The following DHX32 variants were observed in gnomAD, a reference collection of about 807,000 sequenced individuals.
DHX32 encodes the protein putative pre-mRNA-splicing factor ATP-dependent RNA helicase DHX32.
DHX32 carries 51 observed loss-of-function variants against 70.0 expected under a neutral mutation model. The observed-to-expected ratio is 0.73, with a 90% CI of 0.58 to 0.92. The LOEUF (loss-of-function observed/expected upper bound fraction) is 0.92, where lower values mean the gene tolerates loss of function less well. Ranked by LOEUF, DHX32 falls within the 40% of genes least tolerant of loss-of-function variation. DHX32 has a pLI of 0.00. For missense variants in DHX32, 762 were observed against 891.8 expected, an observed-to-expected ratio of 0.85 and a Z score of 1.85; for synonymous variants, 310 against 315.3, an observed-to-expected ratio of 0.98 and a Z score of 0.18.
intron 2 of DHX32, among the ~76,000 whole-genome samples, chr10:125,860,896 G>C (rs1944183590): frequency 6.6e-6 from 1 of 151,294 alleles, no homozygotes; most frequent in South Asian, 2.1e-4. Flanking sequence ...GGGACTACAG[G>C]CGCCCGCCAC....
chr10:125,851,586 C>A (rs1944089730), intron 6 of DHX32, among the ~76,000 whole-genome samples: 1 of 152,072 alleles, frequency 6.6e-6, no homozygotes, highest in African/African-American at 2.4e-5. Context: ...AAAAATGAAA[C>A]CTATCTTGTT....
chr10:125,881,831 C>T (rs558301945), upstream of DHX32, among the ~76,000 whole-genome samples: 8 of 152,176 alleles, frequency 5.3e-5, no homozygotes, highest in African/African-American at 9.6e-5. Context: ...TTTGTAGAGA[C>T]GGAGTTTTGC....
chr10:125,853,425 A>T, intron 4 of DHX32: 2 of 337,534 alleles, frequency 5.9e-6, no homozygotes, highest in Non-Finnish European at 1.1e-5. Flanking sequence ...CTAATTTTTA[A>T]TTTAAAAGTA....
At position 125,838,358 on chromosome 10, in the gene DHX32, G is replaced by C; in HGVS notation, c.1911C>G (p.Asn637Lys). The change falls in exon 10 of 11, where the codon AAC (asparagine) becomes AAG (lysine). Residue 637 changes from asparagine (N) to lysine (K), a missense_variant. By Grantham distance (94) the Asn-to-Lys change is moderately conservative. Coordinates refer to ENST00000284690, the MANE Select transcript of DHX32 (RefSeq NM_018180.3). The stretch of plus-strand genomic sequence containing the variant: ...CCTGCTTATGTGTCAGCATTAAGTA[G>C]TTACCTGATCCATCAACATCCCGAG... ...QIARDVDGSG[N>K]YLMLTHKQVA... The C allele has an allele frequency of 6.2e-7, 1 of 1,601,610 alleles. No homozygotes were observed.
chr10:125,846,671 T>C (rs1242606864), intron 6 of DHX32, among the ~76,000 whole-genome samples: 4 of 152,218 alleles, frequency 2.6e-5, no homozygotes, highest in Non-Finnish European at 5.9e-5. Flanking sequence ...TTATAGGAAC[T>C]GTACCTTCAC....
chr10:125,838,864 A>G, intron 9 of DHX32, 137 bp downstream of exon 9: 4 of 1,051,706 alleles, frequency 3.8e-6, no homozygotes, highest in Non-Finnish European at 5.5e-6. Context: ...ATACTTAAGT[A>G]CCAAATCTTT....
intron 3 of DHX32, among the ~76,000 whole-genome samples, chr10:125,856,117 T>G (rs1416058882): frequency 6.6e-6 from 1 of 152,246 alleles, no homozygotes; most frequent in Non-Finnish European, 1.5e-5. Context: ...ATCTGGTACT[T>G]CAGACATTTT....
Position 125,878,741 on chromosome 10 carries a change from C to A in DHX32, c.282+1802G>T, listed in dbSNP as rs111921672. ...TTTTTTTTTTTGAGATGGAGTCTTA[C>A]TCTGTCACCCAGGCTGGAGTGCAGT... On this transcript the variant is annotated intron_variant, in intron 1 of 10. Coordinates refer to ENST00000284690, the MANE Select transcript of DHX32 (RefSeq NM_018180.3). Among the ~76,000 whole-genome samples, 725 of 149,094 alleles carry A rather than the reference C, an allele frequency of 4.9e-3. 8 individuals are homozygous for A. Among genetic ancestry groups the A allele is most frequent in the African/African-American group, 0.016 (661 of 40,536 alleles).
intron 1 of DHX32, among the ~76,000 whole-genome samples, chr10:125,893,582 T>C (rs80204283): frequency 3.9e-5 from 6 of 152,154 alleles, no homozygotes; most frequent in African/African-American, 1.4e-4. Context: ...GGCGGAGAGA[T>C]AGACATTCCA....
chr10:125,894,128 T>G (rs1944387527), intron 1 of DHX32, among the ~76,000 whole-genome samples: 1 of 152,306 alleles, frequency 6.6e-6, no homozygotes, highest in Non-Finnish European at 1.5e-5. Context: ...TCCTTTTCAT[T>G]TGACCACTAA....
In DHX32 at chr10:125,839,014, C is replaced by G; in HGVS notation, c.1868G>C (p.Gly623Ala). 1 of 1,613,770 alleles carries G rather than the reference C, an allele frequency of 6.2e-7. No individual in the cohort carries two copies. Among genetic ancestry groups the G allele is most frequent in the South Asian group, 1.1e-5 (1 of 91,042 alleles). The change falls in exon 9 of 11, where the codon GGT (glycine) becomes GCT (alanine). Residue 623 changes from glycine (G) to alanine (A), a missense_variant. Around this residue, in one of 3 missense-constraint regions of DHX32, gnomAD observed 366 missense variants for 402.6 expected, o/e 0.91. Coordinates refer to ENST00000284690, the MANE Select transcript of DHX32 (RefSeq NM_018180.3). ...TLNIKKALLS[G>A]YFMQIARDVD... is the part of the protein sequence containing the mutation. ...ACCCCTTCTCACCTGCATAAAGTAA[C>G]CGGACAGAAGAGCTTTCTTTATGTT...
intron 1 of DHX32, among the ~76,000 whole-genome samples, 185 bp downstream of exon 1, chr10:125,880,358 T>C (rs1589718056): frequency 6.6e-6 from 1 of 152,234 alleles, no homozygotes; most frequent in Non-Finnish European, 1.5e-5. Flanking sequence ...ATAGATATTA[T>C]TAACTTTTCA....
chr10:125,862,695 A>G (rs1239568464), intron 2 of DHX32, among the ~76,000 whole-genome samples: 1 of 152,124 alleles, frequency 6.6e-6, no homozygotes, highest in Non-Finnish European at 1.5e-5. Context: ...TGAAGGCTCA[A>G]TCCTAAAACT....
intron 6 of DHX32, chr10:125,842,779 CAAATAAAG>C: frequency 1.1e-6 from 1 of 940,726 alleles, no homozygotes; most frequent in Non-Finnish European, 1.3e-6. Context: ...TTTCCCAGTG[CAAATAAAG>C]AAATAAAGAT....
At chr10:125,870,645 T>C (rs1490347170) in intron 1 of DHX32, among the ~76,000 whole-genome samples, 1 of 152,110 alleles carries the variant, frequency 6.6e-6, no homozygotes, top group Non-Finnish European at 1.5e-5. Context: ...GAGGCTAACC[T>C]GGCCAACGTG....
At chr10:125,862,136 G>A (rs1944192984) in intron 2 of DHX32, among the ~76,000 whole-genome samples, 4 of 152,224 alleles carry the variant, frequency 2.6e-5, no homozygotes, top group Admixed American at 2.6e-4. Flanking sequence ...CAGGTAGAGA[G>A]TCAAGATTTA....
rs1564822951 is a variant in DHX32, at chr10:125,841,876, A to C, written c.1410T>G (p.Asn470Lys). Residue 470 changes from asparagine to lysine, a missense_variant, in exon 7 of 11, where the codon AAT becomes AAG. Physicochemically the swap from Asn to Lys is moderately conservative, Grantham distance 94. This residue lies in a region of DHX32 where 366 missense variants were observed against 402.6 expected (regional missense o/e 0.91). Transcript: ENST00000284690. ...EDLDYLAALD[N>K]DGNLSEFGII... ...TTCCAAATTCAGAAAGATTTCCATC[A>C]TTATCCAGTGCTGCCAGATAATCTA... 1.2e-6 allele frequency: 2 copies of C among 1,613,478 alleles called. No homozygotes were observed. The highest frequency in any genetic ancestry group is 1.7e-6 in the Non-Finnish European group (2 of 1,179,912).
intron 2 of DHX32, among the ~76,000 whole-genome samples, chr10:125,865,512 C>T (rs1009370435): frequency 3.9e-5 from 6 of 152,136 alleles, no homozygotes; most frequent in African/African-American, 9.7e-5. Context: ...TAGCTTAGTA[C>T]AAACCGAATG....
chr10:125,867,532 C>T (rs964640009), intron 1 of DHX32, among the ~76,000 whole-genome samples: 4 of 151,986 alleles, frequency 2.6e-5, no homozygotes, highest in African/African-American at 4.8e-5. Flanking sequence ...GTCAGGAGAT[C>T]GAGACCATCC....
Sources: gnomAD v4.1 joint callset for allele counts (sites outside exome capture counted in the v4.1 genomes callset) on GRCh38, gnomAD v4.1.1 for gene constraint, gnomAD v4.1.1 regional missense constraint, MANE v1.5 for transcripts, NCBI Gene and HGNC (gene_info 2026-07-23, HGNC 2026-07-21) for gene names.